The following TMEM232 variants were observed in gnomAD, a reference collection of about 807,000 sequenced individuals.
TMEM232 encodes transmembrane protein 232.
A neutral mutation model predicts 78.8 loss-of-function variants in TMEM232; 80 were observed. That is an observed-to-expected ratio of 1.01 (90% CI 0.85 to 1.22). TMEM232 has a LOEUF of 1.22. TMEM232 is among the 50% of genes most tolerant of loss of function. The pLI is 0.00. For synonymous variants in TMEM232, 297 were observed against 254.3 expected, an observed-to-expected ratio of 1.17 and a Z score of -1.60; for missense variants, 881 against 742.2, an observed-to-expected ratio of 1.19 and a Z score of -2.17.
chr5:110,523,544 C>T (rs1769874219), intron 12 of TMEM232, among the ~76,000 whole-genome samples: 1 of 151,942 alleles, frequency 6.6e-6, no homozygotes, highest in Admixed American at 6.6e-5. Context: ...ACTGCTTTTG[C>T]TCCATCCATA....
chr5:110,430,289 T>C (rs1248388158), intron 12 of TMEM232, among the ~76,000 whole-genome samples: 4 of 151,698 alleles, frequency 2.6e-5, no homozygotes, highest in Admixed American at 6.6e-5. Flanking sequence ...TGTGGTATTA[T>C]ACTAAAGAGG....
intron 11 of TMEM232, among the ~76,000 whole-genome samples, chr5:110,549,886 T>C (rs1774249286): frequency 6.6e-6 from 1 of 152,124 alleles, no homozygotes; most frequent in Admixed American, 6.5e-5. Flanking sequence ...CACTTGTGAA[T>C]TCTACAAAAC....
chr5:110,461,767 T>C lies in TMEM232; in HGVS notation c.1704-36851A>G, dbSNP rs571033392. ...CCAAAAGTTCTAGGGCCCTTGAGAATTATGCTAAATCTACTTTGCCTATGC... is the reference window on the plus strand; with the variant it reads ...CCAAAAGTTCTAGGGCCCTTGAGAACTATGCTAAATCTACTTTGCCTATGC... On this transcript the variant is annotated intron_variant, in intron 12 of 13. Coordinates refer to ENST00000455884, the MANE Select transcript of TMEM232 (RefSeq NM_001039763.4). Among the ~76,000 whole-genome samples the C allele has an allele frequency of 7.9e-5, 12 of 152,266 alleles. No individual in the cohort carries two copies. The South Asian group carries it at 2.3e-3, about 29-fold the overall frequency.
At chr5:110,586,145 A>G (rs1778793876) in intron 10 of TMEM232, among the ~76,000 whole-genome samples, 1 of 152,156 alleles carries the variant, frequency 6.6e-6, no homozygotes, top group African/African-American at 2.4e-5. Context: ...AAGGCATGTC[A>G]ATAGTAACAA....
At chr5:110,393,958 C>CAAAA (rs201803686) in intron 3 of TMEM232, among the ~76,000 whole-genome samples, 7 of 60,780 alleles carry the variant, frequency 1.2e-4, no homozygotes, top group South Asian at 6.1e-4. Flanking sequence ...AACTTCATCT[C>CAAAA]AAAAAAAAAA....
chr5:110,530,501 A>T (rs1771288870), intron 11 of TMEM232, among the ~76,000 whole-genome samples: 1 of 152,208 alleles, frequency 6.6e-6, no homozygotes, highest in South Asian at 2.1e-4. Flanking sequence ...ATGAATGGAT[A>T]AATAAAATGT....
intron 11 of TMEM232, among the ~76,000 whole-genome samples, chr5:110,536,654 C>A (rs546022183): frequency 1.3e-5 from 2 of 152,248 alleles, no homozygotes; most frequent in Admixed American, 6.5e-5. Flanking sequence ...TCTTCCCCTA[C>A]TTGATGGGTC....
At chr5:110,603,742 A>T (rs887380867) in intron 10 of TMEM232, among the ~76,000 whole-genome samples, 3 of 152,140 alleles carry the variant, frequency 2.0e-5, no homozygotes, top group African/African-American at 7.2e-5. Flanking sequence ...TAAAATTGGC[A>T]CCAATAAAAA....
intron 1 of TMEM232, among the ~76,000 whole-genome samples, chr5:110,688,723 C>A (rs1793730448): frequency 6.6e-6 from 1 of 152,182 alleles, no homozygotes; most frequent in Non-Finnish European, 1.5e-5. Flanking sequence ...GGACCCCAAA[C>A]TCATTTAGCC....
At chr5:110,614,827 G>A (rs66732373) in intron 8 of TMEM232, among the ~76,000 whole-genome samples, 21,084 of 151,832 alleles carry the variant, frequency 0.14, 1,910 homozygotes, top group African/African-American at 0.25. Context: ...CTTTCTATCT[G>A]AAAGAATCAC....
chr5:110,508,315 T>C (rs900907981), intron 12 of TMEM232, among the ~76,000 whole-genome samples: 7 of 151,964 alleles, frequency 4.6e-5, no homozygotes, highest in Admixed American at 3.9e-4. Context: ...TGACAATTTA[T>C]TAAAGATAGA....
At chr5:110,644,989 GAATA>G (rs1469844428) in intron 2 of TMEM232, among the ~76,000 whole-genome samples, 5 of 151,230 alleles carry the variant, frequency 3.3e-5, no homozygotes, top group Non-Finnish European at 5.9e-5. Flanking sequence ...TAGAAGAAAT[GAATA>G]AATTCCTAGA....
chr5:110,418,596 A>G (rs1041494689), downstream of TMEM232, among the ~76,000 whole-genome samples: 1 of 152,124 alleles, frequency 6.6e-6, no homozygotes, highest in African/African-American at 2.4e-5. Context: ...CCAAGTCACC[A>G]CTAAGACATA....
At chr5:110,549,798 C>T (rs955762131) in intron 11 of TMEM232, among the ~76,000 whole-genome samples, 1 of 151,986 alleles carries the variant, frequency 6.6e-6, no homozygotes, top group Middle Eastern at 3.4e-3. Context: ...GAATTTAATT[C>T]CTAGAAAGAA....
At position 110,420,699 on chromosome 5, in the gene TMEM232, G is replaced by A; in HGVS notation, c.1855C>T (p.Leu619Phe). 6.6e-7 allele frequency: 1 copy of A among 1,525,386 alleles called. No homozygotes were observed. Among genetic ancestry groups the A allele is most frequent in the Non-Finnish European group, 8.7e-7 (1 of 1,143,466 alleles). 94.5% of individuals were successfully genotyped at this position (1,525,386 alleles called of 1,614,324 possible). The change falls in exon 14 of 14, where the codon CTT becomes TTT. Residue 619 changes from leucine to phenylalanine, a missense_variant. Coordinates refer to ENST00000455884, the MANE Select transcript of TMEM232 (RefSeq NM_001039763.4). ...KEDAICKAQE[L>F]KDKKLAEKNH... is the part of the protein sequence containing the mutation. The stretch of plus-strand genomic sequence containing the variant: ...TTCTCTGCTAACTTTTTATCTTTAA[G>A]TTCTTGGGCCTTGCATATTGCATCT...
At chr5:110,522,217 G>A (rs767634596) in intron 12 of TMEM232, among the ~76,000 whole-genome samples, 9 of 151,458 alleles carry the variant, frequency 5.9e-5, no homozygotes, top group African/African-American at 1.2e-4. Context: ...TTTATCTATC[G>A]TATAGCTCAC....
intron 12 of TMEM232, among the ~76,000 whole-genome samples, chr5:110,512,134 T>G (rs564006822): frequency 1.3e-5 from 2 of 152,336 alleles, no homozygotes; most frequent in South Asian, 4.1e-4. Context: ...TAATTTTACA[T>G]GAATATGTGT....
intron 12 of TMEM232, among the ~76,000 whole-genome samples, chr5:110,520,260 A>G (rs1429026637): frequency 6.6e-6 from 1 of 152,056 alleles, no homozygotes; most frequent in Non-Finnish European, 1.5e-5. Context: ...CTTGTTTTAA[A>G]ATATCACACA....
intron 1 of TMEM232, among the ~76,000 whole-genome samples, chr5:110,693,610 G>A (rs917999693): frequency 6.6e-6 from 1 of 152,172 alleles, no homozygotes; most frequent in African/African-American, 2.4e-5. Context: ...AGTCCTTAAA[G>A]GACCTGATGG....
Sources: allele counts gnomAD v4.1 joint callset (sites outside exome capture counted in the v4.1 genomes callset), GRCh38; gene constraint gnomAD v4.1.1; transcripts MANE v1.5; gene names NCBI Gene and HGNC (gene_info 2026-07-23, HGNC 2026-07-21).